Variants in ATG16L2 observed in about 807,000 individuals in gnomAD.
ATG16L2 encodes protein Atg16l2.
A neutral mutation model predicts 84.7 loss-of-function variants in ATG16L2; 77 were observed. The ratio of observed to expected loss-of-function variants is 0.91; its 90% CI spans 0.76 to 1.10. The LOEUF (loss-of-function observed/expected upper bound fraction) is 1.10. Among genes scored for constraint, ATG16L2 ranks in the 50% least tolerant of loss-of-function variants. The pLI is 0.00. For synonymous variants in ATG16L2, 361 were observed against 342.8 expected, an observed-to-expected ratio of 1.05 and a Z score of -0.59; for missense variants, 782 against 817.6, an observed-to-expected ratio of 0.96 and a Z score of 0.53.
At chr11:72,827,972 AAAAC>A (rs1434653510) in intron 14 of ATG16L2, among the ~76,000 whole-genome samples, 5 of 152,204 alleles carry the variant, frequency 3.3e-5, no homozygotes, top group African/African-American at 1.2e-4. Flanking sequence ...ACAAAACAAA[AAAAC>A]AAAGCTAGAG....
intron 8 of ATG16L2, 125 bp downstream of exon 8, chr11:72,824,247 T>C (rs187142195): frequency 8.1e-6 from 10 of 1,229,396 alleles, no homozygotes; most frequent in Middle Eastern, 2.3e-4. Context: ...TGTGAGTCTG[T>C]TGGGCCTTGG....
At chr11:72,827,086 G>C in intron 13 of ATG16L2, 102 bp from the exon 14 acceptor site, 1 of 985,682 alleles carries the variant, frequency 1.0e-6, no homozygotes, top group Non-Finnish European at 1.5e-6. Flanking sequence ...TTCTAGTCTT[G>C]GGAGGACACT....
chr11:72,839,586 G>C (rs1860844402), intron 5 of ATG16L2, among the ~76,000 whole-genome samples: 1 of 152,194 alleles, frequency 6.6e-6, no homozygotes, highest in South Asian at 2.1e-4. Context: ...ATTTGGGAAT[G>C]ACTGTGGGAG....
rs557934736 is a variant in ATG16L2 at position 72,825,422 on chromosome 11, C to T, written c.1102+15C>T. Reference sequence around the variant, plus strand: ...TGTTGTGGGAAGTAAGGAGCCCTCCCCTGCCGGCCAACTTGGTGCTTCTCT... The same window carrying T: ...TGTTGTGGGAAGTAAGGAGCCCTCCTCTGCCGGCCAACTTGGTGCTTCTCT... On this transcript the variant is annotated intron_variant, in intron 10 of 17. Coordinates refer to ENST00000321297, the MANE Select transcript of ATG16L2 (RefSeq NM_033388.2). The T allele has an allele frequency of 1.2e-6, 2 of 1,603,742 alleles. No individual in the cohort carries two copies. Among genetic ancestry groups the T allele is most frequent in the African/African-American group, 2.7e-5 (2 of 74,804 alleles).
intron 14 of ATG16L2, 50 bp from the exon 15 acceptor site, chr11:72,828,309 G>A: frequency 6.2e-7 from 1 of 1,605,546 alleles, no homozygotes; most frequent in East Asian, 2.2e-5. Flanking sequence ...CCTGTCAGGA[G>A]TGGCCTGGCT....
intron 10 of ATG16L2, 94 bp downstream of exon 10, chr11:72,825,501 G>T: frequency 1.1e-6 from 1 of 940,870 alleles, no homozygotes; most frequent in African/African-American, 1.6e-5. Context: ...GGATCTCTTT[G>T]TGTTTCTCTA....
Position 72,814,941 on chromosome 11 carries a change from G to A in ATG16L2, c.118+378G>A, listed in dbSNP as rs370826665. Among the ~76,000 whole-genome samples the A allele has an allele frequency of 1.7e-3, 256 of 152,356 alleles. 4 individuals are homozygous for A. In the South Asian group the frequency reaches 0.051, roughly 31 times the overall value. On this transcript the variant is annotated intron_variant, in intron 1 of 17. Coordinates refer to ENST00000321297, the MANE Select transcript of ATG16L2 (RefSeq NM_033388.2). ...ACTTAGTCTCGGTAGCGCAGTGAAA[G>A]AACGCGGGACTTGTCCAGAGCAGCC...
rs1343988610 is a variant in ATG16L2 at position 72,814,450 on chromosome 11, C to T, written c.5C>T (p.Ala2Val). The T allele has an allele frequency of 1.3e-6, 2 of 1,495,212 alleles. No homozygotes were observed. Among genetic ancestry groups the T allele is most frequent in the South Asian group, 1.3e-5 (1 of 79,736 alleles). 92.6% of individuals were successfully genotyped at this position (1,495,212 alleles called of 1,614,324 possible). The change falls in exon 1 of 18, where the codon GCG (alanine) becomes GTG (valine). Residue 2 changes from alanine (A) to valine (V), a missense_variant. Ala to Val is a moderately conservative substitution (Grantham distance 64). Coordinates refer to ENST00000321297, the MANE Select transcript of ATG16L2 (RefSeq NM_033388.2). The stretch of plus-strand genomic sequence containing the variant: ...GCTAGGCGGGAGAGCGCGGCCATGG[C>T]GGGGCCGGGCGTCCCCGGTGCCCCC... M[A>V]GPGVPGAPAA... is the part of the protein sequence containing the mutation.
At chr11:72,838,724 A>T in intron 5 of ATG16L2, 1 of 1,397,142 alleles carries the variant, frequency 7.2e-7, no homozygotes, top group Admixed American at 2.0e-5. Context: ...AGGTGCCTAA[A>T]AAACAAGACT....
chr11:72,828,416 C>T lies in ATG16L2; in HGVS notation c.1530C>T (p.Leu510=). 1 of 1,614,232 alleles carries T rather than the reference C, an allele frequency of 6.2e-7. No homozygotes were observed. The highest frequency in any genetic ancestry group is 8.5e-7 in the Non-Finnish European group (1 of 1,180,046). The change falls in exon 15 of 18, where the codon CTC becomes CTT. Residue 510 remains leucine, a synonymous_variant. Transcript: ENST00000321297. ...PVQGRVTSLS[L]SHDQLHLLSC... The stretch of plus-strand genomic sequence containing the variant: ...AGGGCCGGGTCACCTCCCTGAGCCT[C>T]AGCCACGACCAACTGCACCTGCTCA...
intron 5 of ATG16L2, chr11:72,842,529 G>C: frequency 6.6e-7 from 1 of 1,505,600 alleles, no homozygotes; most frequent in Non-Finnish European, 9.0e-7. Flanking sequence ...GTAAGGCAGA[G>C]ACTGCAGCCC....
intron 5 of ATG16L2, among the ~76,000 whole-genome samples, chr11:72,835,055 C>T (rs930040567): frequency 6.6e-6 from 1 of 152,060 alleles, no homozygotes; most frequent in African/African-American, 2.4e-5. Flanking sequence ...GTACTGAGAA[C>T]CTGTGGGTTG....
At chr11:72,817,705 G>T (rs1431120592) in intron 2 of ATG16L2, 51 bp from the exon 3 acceptor site, 4 of 1,588,976 alleles carry the variant, frequency 2.5e-6, no homozygotes, top group Admixed American at 3.4e-5. Flanking sequence ...GGTGCCTTTG[G>T]GCACTTGGGT....
chr11:72,841,504 C>G (rs1860945025), intron 5 of ATG16L2: 1 of 1,611,016 alleles, frequency 6.2e-7, no homozygotes, highest in African/African-American at 1.3e-5. Context: ...CTTATCTGGG[C>G]TGGGGTAGGG....
chr11:72,833,394 C>T (rs1860648136), downstream of ATG16L2, among the ~76,000 whole-genome samples: 1 of 152,214 alleles, frequency 6.6e-6, no homozygotes, highest in Admixed American at 6.5e-5. Flanking sequence ...AGAAGTTGCA[C>T]TATCTGCTTG....
Position 72,828,953 on chromosome 11 carries a change from A to G in ATG16L2, c.1741A>G (p.Lys581Glu). ...ALYIWDVDTG[K>E]LESRLQGPHC... is the part of the protein sequence containing the mutation. ...TTACATCTGGGATGTGGACACCGGG[A>G]AACTGGAGAGCAGACTACAGGGACC... Residue 581 changes from lysine (K) to glutamate (E), a missense_variant, in exon 17 of 18, where the codon AAA (lysine) becomes GAA (glutamate). Coordinates refer to ENST00000321297, the MANE Select transcript of ATG16L2 (RefSeq NM_033388.2). 6.2e-7 allele frequency: 1 copy of G among 1,614,060 alleles called. No homozygotes were observed. The highest frequency in any genetic ancestry group is 2.2e-5 in the East Asian group (1 of 44,872).
In ATG16L2 at chr11:72,822,142, G is replaced by T. The variant is rs1166084942; in HGVS notation, c.491G>T (p.Arg164Leu). The T allele has an allele frequency of 2.0e-6, 3 of 1,501,376 alleles. No homozygotes were observed. The highest frequency in any genetic ancestry group is 1.4e-5 in the African/African-American group (1 of 70,082). The allele number at this position is 1,501,376 out of a possible 1,614,324, so 93.0% of individuals were successfully genotyped here. ...EEWRAQNAVQ[R>L]AAYEALRAHV... ...TGGCGGGCGCAGAATGCGGTGCAGC[G>T]GGCAGCCTACGAGGCGCTGCGCGCG... is the stretch of plus-strand genomic sequence containing the variant. Residue 164 changes from arginine to leucine, a missense_variant, in exon 5 of 18, where the codon CGG becomes CTG. By Grantham distance (102) the Arg-to-Leu change is moderately radical. Coordinates refer to ENST00000321297, the MANE Select transcript of ATG16L2 (RefSeq NM_033388.2). This position sits in a 1 kb window ranked among gnomAD's most constrained non-coding sequence, Gnocchi z 4.2.
intron 5 of ATG16L2, chr11:72,841,369 A>AAAAAAT: frequency 8.5e-7 from 1 of 1,169,950 alleles, no homozygotes; most frequent in East Asian, 2.8e-5. Context: ...AAAAAAGCAA[A>AAAAAAT]TGCAGTTTTT....
At chr11:72,827,449 G>T (rs1185780954) in intron 14 of ATG16L2, among the ~76,000 whole-genome samples, 156 bp downstream of exon 14, 1 of 152,140 alleles carries the variant, frequency 6.6e-6, no homozygotes, top group African/African-American at 2.4e-5. Context: ...CTCTCGGCTG[G>T]GCTCAGCTCC....
Sources: gnomAD v4.1 joint callset for allele counts (sites outside exome capture counted in the v4.1 genomes callset) on GRCh38, gnomAD v4.1.1 for gene constraint, Gnocchi (gnomAD v3.1) non-coding constraint, MANE v1.5 for transcripts, NCBI Gene and HGNC (gene_info 2026-07-23, HGNC 2026-07-21) for gene names.